Variants in HUNK observed in about 807,000 individuals in gnomAD.
HUNK encodes the protein hormonally up-regulated Neu-associated kinase, also known as hormonally up-regulated neu tumor-associated kinase.
In HUNK, 21 loss-of-function variants were observed where a neutral mutation model predicts 61.0. The ratio of observed to expected loss-of-function variants is 0.34; its 90% CI spans 0.24 to 0.50. The LOEUF (loss-of-function observed/expected upper bound fraction) is 0.50. HUNK is among the 20% of genes least tolerant of loss of function. The pLI, the probability that HUNK is intolerant of heterozygous loss-of-function variation, is 0.98. For synonymous variants in HUNK, 371 were observed against 386.1 expected (o/e 0.96, Z 0.46); for missense variants, 772 against 945.7 (o/e 0.82, Z 2.41).
In HUNK at chr21:31,998,656, G is replaced by A. The variant is rs756309521; in HGVS notation, c.1617G>A (p.Gln539=). 1.2e-6 allele frequency: 2 copies of A among 1,614,004 alleles called. No individual in the cohort carries two copies. The highest frequency in any genetic ancestry group is 2.2e-5 in the South Asian group (2 of 91,070). The stretch of plus-strand genomic sequence containing the variant: ...TTGTGAAGAAACCGGAGCCCCATCA[G>A]CCAGGGCCCGGAAGCACTGGCATCC... ...PRIVKKPEPH[Q]PGPGSTGIPH... The change falls in exon 11 of 11, where the codon CAG becomes CAA. Residue 539 remains glutamine (Q), a synonymous_variant. Coordinates refer to ENST00000270112, the MANE Select transcript of HUNK (RefSeq NM_014586.2).
rs1468233766 is a variant in HUNK at position 31,906,133 on chromosome 21, T to C, written c.262-18335T>C. Among the ~76,000 whole-genome samples, 3 of 152,222 alleles carry C rather than the reference T, an allele frequency of 2.0e-5. No homozygotes were observed. In the East Asian group the frequency reaches 5.8e-4, roughly 29 times the overall value. ...TCTTAATTCCACTGTGTTGTTATTA[T>C]TGTTGGCTCAGTTTTAGCTACAATT... On this transcript the variant is annotated intron_variant, in intron 1 of 10. Transcript: ENST00000270112.
At chr21:31,984,104 G>C (rs563069781) in intron 8 of HUNK, among the ~76,000 whole-genome samples, 68 of 152,322 alleles carry the variant, frequency 4.5e-4, no homozygotes, top group African/African-American at 1.4e-3. Flanking sequence ...GGAGGGTAGA[G>C]AGAGGTTGCT....
rs1568940203 is a variant in HUNK, at chr21:31,979,512, A to ATTTTTTTTTTTTTTTTTT, written c.1174-4012_1174-4011insTTTTTTTTTTTTTTTTTT. Among the ~76,000 whole-genome samples the ATTTTTTTTTTTTTTTTTT allele has an allele frequency of 2.0e-5, 2 of 99,508 alleles. 1 individual carries two copies. The allele number at this position is 99,508 out of a possible 152,430, so 65.3% of individuals were successfully genotyped here. On this transcript the variant is annotated intron_variant, in intron 7 of 10. Coordinates refer to ENST00000270112, the MANE Select transcript of HUNK (RefSeq NM_014586.2). ...GTTTTCTGGCTATTGAGTTGTTTGC[A>ATTTTTTTTTTTTTTTTTT]TTCTTTTTTTTTTTTTTTTTTTTTT...
intron 9 of HUNK, among the ~76,000 whole-genome samples, chr21:31,992,075 G>A (rs886762615): frequency 2.0e-5 from 3 of 152,216 alleles, no homozygotes; most frequent in Admixed American, 6.5e-5. Flanking sequence ...CCAGACTTCC[G>A]GACTGCCGAG....
chr21:31,923,543 A>G (rs930023987), intron 1 of HUNK, among the ~76,000 whole-genome samples: 2 of 133,322 alleles, frequency 1.5e-5, no homozygotes, highest in Non-Finnish European at 3.2e-5. Context: ...GGGAGGAAGG[A>G]AGGAAGGAAA....
intron 6 of HUNK, among the ~76,000 whole-genome samples, chr21:31,971,063 C>CTTTA (rs1052131109): frequency 2.2e-5 from 1 of 45,672 alleles, no homozygotes; most frequent in African/African-American, 9.4e-5. Context: ...AATTCTTTTT[C>CTTTA]TTTATTTTTA....
intron 5 of HUNK, among the ~76,000 whole-genome samples, chr21:31,961,742 G>C (rs1160896838): frequency 6.6e-6 from 1 of 152,178 alleles, no homozygotes; most frequent in East Asian, 1.9e-4. Flanking sequence ...TTCAGAGCCT[G>C]TTTTATTCAA....
chr21:31,909,820 G>A (rs752455979), intron 1 of HUNK, among the ~76,000 whole-genome samples: 1 of 152,210 alleles, frequency 6.6e-6, no homozygotes, highest in Non-Finnish European at 1.5e-5. Context: ...CCACTCGGAT[G>A]CATTTACCCA....
intron 2 of HUNK, among the ~76,000 whole-genome samples, chr21:31,928,990 G>A (rs778885033): frequency 4.6e-5 from 7 of 152,094 alleles, no homozygotes; most frequent in Non-Finnish European, 8.8e-5. Context: ...AAGGATGCAG[G>A]ATGATTTTTT....
Position 32,000,790 on chromosome 21 carries a change from C to G in HUNK, c.*1606C>G. On this transcript the variant is annotated 3_prime_UTR_variant, in exon 11 of 11. Coordinates refer to ENST00000270112, the MANE Select transcript of HUNK (RefSeq NM_014586.2). ...TTCACCAGTGGTGACATCCTTCAGT[C>G]CCTCACATCTCTGACAGAGCGGGAC... is the stretch of plus-strand genomic sequence containing the variant. 1 of 398,574 alleles carries G rather than the reference C, an allele frequency of 2.5e-6. No homozygotes were observed. Among genetic ancestry groups the G allele is most frequent in the East Asian group, 3.6e-5 (1 of 28,080 alleles). 24.7% of individuals were successfully genotyped at this position (398,574 alleles called of 1,614,324 possible).
intron 9 of HUNK, among the ~76,000 whole-genome samples, chr21:31,993,944 T>C (rs1284712237): frequency 6.6e-6 from 1 of 152,142 alleles, no homozygotes; most frequent in Non-Finnish European, 1.5e-5. Context: ...CGCCTGACCC[T>C]GCTGCAGGCT....
At chr21:31,905,502 A>G (rs917743811) in intron 1 of HUNK, among the ~76,000 whole-genome samples, 2 of 152,248 alleles carry the variant, frequency 1.3e-5, no homozygotes, top group Non-Finnish European at 2.9e-5. Flanking sequence ...TATGATCTCC[A>G]TGTCGTTCTT....
intron 1 of HUNK, among the ~76,000 whole-genome samples, chr21:31,876,646 A>G (rs1198287993): frequency 6.6e-6 from 1 of 152,132 alleles, no homozygotes; most frequent in Non-Finnish European, 1.5e-5. Flanking sequence ...TGGCCTGGGG[A>G]AAGTTTCCTC....
chr21:31,909,545 A>G (rs11908864), intron 1 of HUNK, among the ~76,000 whole-genome samples: 2,994 of 152,226 alleles, frequency 0.02, 94 homozygotes, highest in African/African-American at 0.069. Flanking sequence ...TAAACTGGGG[A>G]AGGAAACTTT....
chr21:31,911,472 C>A (rs1681356278), intron 1 of HUNK, among the ~76,000 whole-genome samples: 1 of 152,172 alleles, frequency 6.6e-6, no homozygotes, highest in South Asian at 2.1e-4. Flanking sequence ...GTTTCTGCTG[C>A]TGAGGAACAA....
intron 5 of HUNK, among the ~76,000 whole-genome samples, chr21:31,964,442 G>A (rs967617837): frequency 6.6e-5 from 10 of 152,190 alleles, no homozygotes; most frequent in Non-Finnish European, 1.3e-4. Flanking sequence ...TTGGAAAGCT[G>A]ATGGTTCATG....
At chr21:31,971,854 A>T (rs993756956) in intron 6 of HUNK, among the ~76,000 whole-genome samples, 4 of 149,450 alleles carry the variant, frequency 2.7e-5, no homozygotes, top group African/African-American at 9.9e-5. Context: ...TTTTGAGACA[A>T]GTCTTCCTTC....
intron 1 of HUNK, among the ~76,000 whole-genome samples, chr21:31,892,590 A>G (rs2052398920): frequency 6.6e-6 from 1 of 150,578 alleles, no homozygotes. Context: ...AAAAAAAAGG[A>G]AAGAAAGAAA....
chr21:31,986,205 C>G (rs998406901), intron 8 of HUNK, among the ~76,000 whole-genome samples: 1 of 151,968 alleles, frequency 6.6e-6, no homozygotes, highest in African/African-American at 2.4e-5. Flanking sequence ...TCTCCCCCCG[C>G]CGCCCTCCGC....
Sources: gnomAD v4.1 joint callset for allele counts (sites outside exome capture counted in the v4.1 genomes callset) on GRCh38, gnomAD v4.1.1 for gene constraint, MANE v1.5 for transcripts, NCBI Gene and HGNC (gene_info 2026-07-23, HGNC 2026-07-21) for gene names.